The following ANKRD28 variants were observed in gnomAD, a reference collection of about 807,000 sequenced individuals.
ANKRD28 encodes the protein ankyrin repeat domain 28, also known as serine/threonine-protein phosphatase 6 regulatory ankyrin repeat subunit A.
In ANKRD28, 44 loss-of-function variants were observed where a neutral mutation model predicts 126.5. The observed-to-expected ratio is 0.35, with a 90% CI of 0.27 to 0.45. The LOEUF (loss-of-function observed/expected upper bound fraction) is 0.45, where lower values mean the gene tolerates loss of function less well. Ranked by LOEUF, ANKRD28 falls within the 20% of genes least tolerant of loss-of-function variation. ANKRD28 has a pLI of 1.00. For missense variants in ANKRD28, 1,110 were observed against 1,316.6 expected (o/e 0.84, Z 2.43); for synonymous variants, 442 against 468.5 (o/e 0.94, Z 0.73).
In ANKRD28 at chr3:15,695,220, A is replaced by G; in HGVS notation, c.1660-6T>C. ...AGAGGAGTTTCACTTGCAATCTGAA[A>G]TAAAAGTCAAAACAAAAATATTTAG... is the stretch of plus-strand genomic sequence containing the variant. On this transcript the variant is annotated splice_region_variant and splice_polypyrimidine_tract_variant and intron_variant, in intron 15 of 27. Transcript: ENST00000683139. 1 of 1,576,456 alleles carries G rather than the reference A, an allele frequency of 6.3e-7. No individual in the cohort carries two copies. Among genetic ancestry groups the G allele is most frequent in the Non-Finnish European group, 8.6e-7 (1 of 1,156,648 alleles).
chr3:15,712,800 G>A (rs2072489505), intron 10 of ANKRD28, among the ~76,000 whole-genome samples: 1 of 152,186 alleles, frequency 6.6e-6, no homozygotes, highest in Non-Finnish European at 1.5e-5. Flanking sequence ...TTGTACAGAT[G>A]TGAAAGAAGG....
intron 13 of ANKRD28, among the ~76,000 whole-genome samples, chr3:15,709,366 T>A (rs2071915015): frequency 6.6e-6 from 1 of 152,098 alleles, no homozygotes; most frequent in South Asian, 2.1e-4. Context: ...AAACATAGGT[T>A]CTATGGGGCT....
intron 3 of ANKRD28, among the ~76,000 whole-genome samples, chr3:15,753,079 C>A (rs924813327): frequency 6.6e-6 from 1 of 151,978 alleles, no homozygotes; most frequent in African/African-American, 2.4e-5. Flanking sequence ...TCTCTGTGGG[C>A]AGTGGCAGTG....
intron 1 of ANKRD28, among the ~76,000 whole-genome samples, chr3:15,803,776 T>C (rs2060518270): frequency 7.7e-6 from 1 of 129,592 alleles, no homozygotes; most frequent in Non-Finnish European, 1.6e-5. Context: ...GGGACTTTTT[T>C]AGTTTCCAAA....
At chr3:15,797,989 C>G (rs999407037), upstream of ANKRD28, 1 of 985,338 alleles carries the variant, frequency 1.0e-6, no homozygotes, top group Non-Finnish European at 1.2e-6. Flanking sequence ...TGAGCTACTT[C>G]TCGGGATGTA....
At chr3:15,772,278 T>C (rs1383865898) in intron 2 of ANKRD28, among the ~76,000 whole-genome samples, 3 of 152,096 alleles carry the variant, frequency 2.0e-5, no homozygotes, top group Non-Finnish European at 2.9e-5. Context: ...AAAAGATCAA[T>C]ATAATTAGTA....
chr3:15,689,364 G>A (rs2068514868), intron 18 of ANKRD28, among the ~76,000 whole-genome samples: 1 of 152,192 alleles, frequency 6.6e-6, no homozygotes, highest in South Asian at 2.1e-4. Flanking sequence ...TAACCAGTAG[G>A]TGTGACATAG....
chr3:15,784,462 T>C (rs945768824), intron 2 of ANKRD28, among the ~76,000 whole-genome samples: 2 of 151,798 alleles, frequency 1.3e-5, no homozygotes, highest in Non-Finnish European at 2.9e-5. Context: ...AGATGTCCAT[T>C]AGATTAATAT....
chr3:15,850,980 A>G (rs1433274045), intron 1 of ANKRD28, among the ~76,000 whole-genome samples: 1 of 152,160 alleles, frequency 6.6e-6, no homozygotes, highest in Non-Finnish European at 1.5e-5. Context: ...AACTAAACTG[A>G]ATGAGAGGAC....
intron 4 of ANKRD28, among the ~76,000 whole-genome samples, chr3:15,746,806 C>A (rs969271782): frequency 6.6e-6 from 1 of 152,170 alleles, no homozygotes; most frequent in African/African-American, 2.4e-5. Flanking sequence ...TAGAATTCAG[C>A]TGTGAATCTA....
intron 7 of ANKRD28, among the ~76,000 whole-genome samples, chr3:15,722,963 T>C (rs993879869): frequency 1.3e-5 from 2 of 152,090 alleles, no homozygotes; most frequent in Non-Finnish European, 2.9e-5. Context: ...CACCACACAA[T>C]TGGGGGCCAG....
At chr3:15,715,278 A>G (rs907045469) in intron 8 of ANKRD28, among the ~76,000 whole-genome samples, 2 of 152,228 alleles carry the variant, frequency 1.3e-5, no homozygotes, top group African/African-American at 4.8e-5. Context: ...ACCAAAACAT[A>G]CATGTTACCA....
chr3:15,678,112 G>A lies in ANKRD28; in HGVS notation c.2707+97C>T, dbSNP rs528944293. On this transcript the variant is annotated intron_variant, in intron 24 of 27. Coordinates refer to ENST00000683139, the MANE Select transcript of ANKRD28 (RefSeq NM_001349278.2). ...TAAAAGGTTTTAAGTCTTAGGAGTG[G>A]TAAGATAACTAGTTGAAGTCAGAAG... The A allele has an allele frequency of 4.9e-6, 6 of 1,216,144 alleles. No individual in the cohort carries two copies. In the East Asian group the frequency reaches 1.3e-4, roughly 26 times the overall value. 75.3% of individuals were successfully genotyped at this position (1,216,144 alleles called of 1,614,324 possible).
At chr3:15,831,252 T>C (rs925985491) in intron 1 of ANKRD28, among the ~76,000 whole-genome samples, 9 of 152,160 alleles carry the variant, frequency 5.9e-5, no homozygotes, top group Non-Finnish European at 8.8e-5. Context: ...TGAGTATATA[T>C]AACAAAAGCC....
chr3:15,759,531 C>T (rs145755332), intron 3 of ANKRD28, among the ~76,000 whole-genome samples: 342 of 152,250 alleles, frequency 2.2e-3, no homozygotes, highest in African/African-American at 7.9e-3. Context: ...TACCTCTCAT[C>T]CACAAATCTT....
rs202016048 is a variant in ANKRD28, at chr3:15,735,402, G to A, written c.640+8C>T. Reference sequence around the variant, plus strand: ...TAATATCAAAAACTAAATTTAAAAAGTACATACCCATATATGCTGCCCAAT... The same window carrying A: ...TAATATCAAAAACTAAATTTAAAAAATACATACCCATATATGCTGCCCAAT... On this transcript the variant is annotated splice_region_variant and intron_variant, in intron 6 of 27. Transcript: ENST00000683139. 9,016 of 1,540,744 alleles carry A rather than the reference G, an allele frequency of 5.9e-3. 36 individuals are homozygous for A. Among genetic ancestry groups the A allele is most frequent in the Non-Finnish European group, 7.1e-3 (8,117 of 1,140,894 alleles).
At chr3:15,762,195 A>AAC (rs2058499396) in intron 3 of ANKRD28, among the ~76,000 whole-genome samples, 1 of 29,672 alleles carries the variant, frequency 3.4e-5, no homozygotes, top group African/African-American at 7.5e-5. Flanking sequence ...CTTTAAAAAA[A>AAC]AAAAAAAAAA....
chr3:15,708,810 G>T (rs2071825430), intron 13 of ANKRD28, among the ~76,000 whole-genome samples: 1 of 152,068 alleles, frequency 6.6e-6, no homozygotes, highest in South Asian at 2.1e-4. Flanking sequence ...TTCCTACCAT[G>T]CATAATTCTT....
chr3:15,738,061 T>C (rs1405435140), intron 4 of ANKRD28, among the ~76,000 whole-genome samples: 7 of 152,136 alleles, frequency 4.6e-5, no homozygotes, highest in Non-Finnish European at 8.8e-5. Flanking sequence ...CATGGCAGGA[T>C]TCCAAGGAAT....
Sources: gnomAD v4.1 joint callset for allele counts (sites outside exome capture counted in the v4.1 genomes callset) on GRCh38, gnomAD v4.1.1 for gene constraint, MANE v1.5 for transcripts, NCBI Gene and HGNC (gene_info 2026-07-23, HGNC 2026-07-21) for gene names.